Variants in MRLN observed in about 807,000 individuals in gnomAD.
The protein encoded by MRLN is myoregulin.
At chr10:59,746,663 G>T (rs1202846407) in intron 1 of MRLN, among the ~76,000 whole-genome samples, 1 of 152,166 alleles carries the variant, frequency 6.6e-6, no homozygotes, top group Non-Finnish European at 1.5e-5. Flanking sequence ...CTCTGGCCCT[G>T]ATAACCCCAA....
intron 1 of MRLN, among the ~76,000 whole-genome samples, chr10:59,749,964 C>T (rs917420208): frequency 1.3e-5 from 2 of 151,940 alleles, no homozygotes; most frequent in Non-Finnish European, 2.9e-5. Flanking sequence ...ATCTGATCAC[C>T]CACCCGCCCC....
intron 1 of MRLN, chr10:59,744,915 C>G (rs1480350358): frequency 1.0e-5 from 2 of 191,490 alleles, no homozygotes; most frequent in Non-Finnish European, 2.0e-5. Flanking sequence ...AGGCAGCATA[C>G]TCGTTAAGAG....
chr10:59,746,447 G>A (rs1841044796), intron 1 of MRLN, among the ~76,000 whole-genome samples: 1 of 152,166 alleles, frequency 6.6e-6, no homozygotes, highest in African/African-American at 2.4e-5. Flanking sequence ...TCAGCTTCCA[G>A]ATGCCATGCT....
chr10:59,750,319 C>A (rs1284538919), intron 1 of MRLN, among the ~76,000 whole-genome samples: 2 of 152,098 alleles, frequency 1.3e-5, no homozygotes, highest in African/African-American at 4.8e-5. Flanking sequence ...GATCCATCCT[C>A]CTTGGCCTCC....
chr10:59,737,648 C>CA (rs60567923), intron 2 of MRLN, among the ~76,000 whole-genome samples: 980 of 50,034 alleles, frequency 0.02, 7 homozygotes, highest in South Asian at 0.061. Flanking sequence ...AGGTACTGAT[C>CA]AAAAAAAAAA....
intron 1 of MRLN, among the ~76,000 whole-genome samples, chr10:59,751,998 G>A (rs918750819): frequency 1.4e-4 from 22 of 152,142 alleles, no homozygotes; most frequent in African/African-American, 5.1e-4. Flanking sequence ...ATGTTAGAAT[G>A]CTGATTATAA....
intron 1 of MRLN, among the ~76,000 whole-genome samples, chr10:59,749,198 T>G (rs1841072959): frequency 6.6e-6 from 1 of 152,230 alleles, no homozygotes; most frequent in African/African-American, 2.4e-5. Context: ...CTATACACAC[T>G]TATTTTTAAT....
At chr10:59,749,303 C>T (rs1188617538) in intron 1 of MRLN, among the ~76,000 whole-genome samples, 2 of 152,220 alleles carry the variant, frequency 1.3e-5, no homozygotes, top group Non-Finnish European at 2.9e-5. Flanking sequence ...TCCAACGTTA[C>T]ACACGTACTA....
intron 1 of MRLN, among the ~76,000 whole-genome samples, chr10:59,741,533 C>T (rs947945284): frequency 2.0e-5 from 3 of 152,142 alleles, no homozygotes; most frequent in African/African-American, 7.2e-5. Flanking sequence ...CAGGTGTGTG[C>T]CACCATGCCT....
rs111828692 is a variant in MRLN, at chr10:59,737,564, G to T, written c.-20-344C>A. Among the ~76,000 whole-genome samples, 321 of 150,264 alleles carry T rather than the reference G, an allele frequency of 2.1e-3. 3 individuals are homozygous for T. The highest frequency in any genetic ancestry group is 7.5e-3 in the African/African-American group (308 of 40,816). ...ATTTCAATCATTTTTATTGGCATTG[G>T]TGAAGCTGCTATTCCTCTAACTTGT... On this transcript the variant is annotated intron_variant, in intron 2 of 2. Transcript: ENST00000414264.
At chr10:59,753,235 G>A (rs544195686) in intron 1 of MRLN, 119 bp downstream of exon 1, 2 of 152,152 alleles carry the variant, frequency 1.3e-5, no homozygotes, top group African/African-American at 4.8e-5. Context: ...AGCCTACTAT[G>A]TTCTCCCTCT....
intron 1 of MRLN, among the ~76,000 whole-genome samples, chr10:59,751,058 C>A (rs1841098065): frequency 6.6e-6 from 1 of 152,142 alleles, no homozygotes; most frequent in Non-Finnish European, 1.5e-5. Context: ...ACTTGGCCTG[C>A]AACACACACT....
At chr10:59,743,744 C>T (rs977836032) in intron 1 of MRLN, among the ~76,000 whole-genome samples, 5 of 152,156 alleles carry the variant, frequency 3.3e-5, no homozygotes, top group Non-Finnish European at 5.9e-5. Flanking sequence ...GCTGCCATCT[C>T]GACTCACTGC....
chr10:59,745,231 G>C (rs902522689), intron 1 of MRLN, among the ~76,000 whole-genome samples: 1 of 152,160 alleles, frequency 6.6e-6, no homozygotes, highest in Non-Finnish European at 1.5e-5. Flanking sequence ...TTTTCAGGAT[G>C]AAATATTTCC....
intron 1 of MRLN, among the ~76,000 whole-genome samples, chr10:59,746,797 G>A (rs939432150): frequency 6.6e-6 from 1 of 152,188 alleles, no homozygotes; most frequent in Admixed American, 6.5e-5. Flanking sequence ...AACAAATTTA[G>A]CTGAAAGTAC....
At chr10:59,742,261 C>T (rs1382225529) in intron 1 of MRLN, among the ~76,000 whole-genome samples, 1 of 151,874 alleles carries the variant, frequency 6.6e-6, no homozygotes, top group Non-Finnish European at 1.5e-5. Flanking sequence ...CAGCTATAGA[C>T]AAAAACAAAG....
At chr10:59,741,884 C>G (rs1294477668) in intron 1 of MRLN, among the ~76,000 whole-genome samples, 1 of 152,058 alleles carries the variant, frequency 6.6e-6, no homozygotes, top group Non-Finnish European at 1.5e-5. Flanking sequence ...TGCTATGTTG[C>G]CCAGGCTAGT....
rs185530338 is a variant in MRLN, at chr10:59,752,183, T to A, written c.-125+1171A>T. 1.5e-4 allele frequency among the ~76,000 whole-genome samples: 23 copies of A among 152,308 alleles called. No individual in the cohort carries two copies. In the East Asian group the frequency reaches 4.2e-3, roughly 28 times the overall value. Reference sequence around the variant, plus strand: ...GTTTACACTATTCTAAAAATGAAGTTACTAAAAGTAGTAGAAGTCAGATAT... The same window carrying A: ...GTTTACACTATTCTAAAAATGAAGTAACTAAAAGTAGTAGAAGTCAGATAT... On this transcript the variant is annotated intron_variant, in intron 1 of 2. Transcript: ENST00000414264.
At chr10:59,744,396 G>A (rs1322005197) in intron 1 of MRLN, among the ~76,000 whole-genome samples, 10 of 151,470 alleles carry the variant, frequency 6.6e-5, no homozygotes, top group East Asian at 2.0e-4. Context: ...CAGCTGCTCC[G>A]TCTGAGAAGT....
Sources: allele counts gnomAD v4.1 joint callset (sites outside exome capture counted in the v4.1 genomes callset), GRCh38; gene constraint gnomAD v4.1.1; transcripts MANE v1.5; gene names NCBI Gene and HGNC (gene_info 2026-07-23, HGNC 2026-07-21).